RAB38: variants seen among roughly 807,000 people sequenced by gnomAD.
The protein encoded by RAB38 is RAB38, member RAS oncogene family, also known as ras-related protein Rab-38.
RAB38 carries 15 observed loss-of-function variants against 18.4 expected under a neutral mutation model. That is an observed-to-expected ratio of 0.82 (90% CI 0.55 to 1.26). The LOEUF is 1.26. Ranked by LOEUF, RAB38 falls within the 50% of genes most tolerant of loss-of-function variation. The pLI is 0.00. For missense variants in RAB38, 294 were observed against 267.4 expected (o/e 1.10, Z -0.69); for synonymous variants, 101 against 104.4 (o/e 0.97, Z 0.20).
chr11:88,033,241 G>T, the RAB38 span, among the ~76,000 whole-genome samples: 2 of 152,082 alleles, frequency 1.3e-5, no homozygotes, highest in Admixed American at 1.3e-4. Flanking sequence ...GTGGGAGGAG[G>T]GGGGAGGGAT....
At chr11:88,121,792 G>A (rs940690284) in intron 2 of RAB38, among the ~76,000 whole-genome samples, 2 of 152,012 alleles carry the variant, frequency 1.3e-5, no homozygotes, top group Non-Finnish European at 2.9e-5. Context: ...TCGATCTCCT[G>A]ACCTCGGGAT....
chr11:88,086,298 T>C, the RAB38 span, among the ~76,000 whole-genome samples: 1 of 152,004 alleles, frequency 6.6e-6, no homozygotes, highest in South Asian at 2.1e-4. Flanking sequence ...AATTACAATG[T>C]TATATTTTGT....
At chr11:87,813,840 A>C in the RAB38 span, among the ~76,000 whole-genome samples, 1 of 152,174 alleles carries the variant, frequency 6.6e-6, no homozygotes, top group African/African-American at 2.4e-5. Context: ...GCTAAATATT[A>C]GTATAGCTTA....
chr11:88,171,571 C>G (rs994977246), intron 1 of RAB38, among the ~76,000 whole-genome samples: 9 of 152,146 alleles, frequency 5.9e-5, no homozygotes, highest in African/African-American at 2.2e-4. Context: ...CTTTTGAAAA[C>G]AGATTCAATG....
At chr11:87,883,503 A>AT in the RAB38 span, among the ~76,000 whole-genome samples, 1 of 151,934 alleles carries the variant, frequency 6.6e-6, no homozygotes, top group Non-Finnish European at 1.5e-5. Context: ...AGGATTATAA[A>AT]TGGCAGCCCG....
the RAB38 span, among the ~76,000 whole-genome samples, chr11:87,855,477 GA>G: frequency 9.2e-5 from 14 of 152,138 alleles, no homozygotes; most frequent in Admixed American, 7.2e-4. Context: ...GGGAATAAAA[GA>G]CATTTTTTGG....
At chr11:88,041,083 T>C in the RAB38 span, among the ~76,000 whole-genome samples, 3 of 152,240 alleles carry the variant, frequency 2.0e-5, no homozygotes, top group Non-Finnish European at 2.9e-5. Flanking sequence ...TTCCAGTATG[T>C]ATCCTAAAAC....
the RAB38 span, among the ~76,000 whole-genome samples, chr11:87,859,385 G>T: frequency 1.6e-4 from 24 of 151,894 alleles, no homozygotes; most frequent in Admixed American, 6.6e-4. Flanking sequence ...TATAATGAAG[G>T]GAAAATTTAT....
the RAB38 span, chr11:88,062,247 T>C: frequency 9.2e-5 from 14 of 152,128 alleles, no homozygotes; most frequent in African/African-American, 3.4e-4. Flanking sequence ...ATTCTCATGA[T>C]AGCGAGTTCT....
chr11:88,016,804 C>T, the RAB38 span, among the ~76,000 whole-genome samples: 2 of 152,100 alleles, frequency 1.3e-5, no homozygotes, highest in African/African-American at 4.8e-5. Flanking sequence ...TTGCTTAAGT[C>T]CCCTAACCCC....
At chr11:87,973,624 G>A in the RAB38 span, among the ~76,000 whole-genome samples, 1 of 143,114 alleles carries the variant, frequency 7.0e-6, no homozygotes, top group Non-Finnish European at 1.6e-5. Context: ...TACTAGACAG[G>A]ACAAAGCTGC....
chr11:87,930,373 G>A, the RAB38 span, among the ~76,000 whole-genome samples: 1 of 152,196 alleles, frequency 6.6e-6, no homozygotes, highest in African/African-American at 2.4e-5. Flanking sequence ...CTTTTGAGAA[G>A]TGTCTGTTCA....
At chr11:87,936,085 T>C in the RAB38 span, among the ~76,000 whole-genome samples, 2 of 152,088 alleles carry the variant, frequency 1.3e-5, no homozygotes, top group African/African-American at 4.8e-5. Flanking sequence ...TTTTCCTCTG[T>C]AGTTTCTCTT....
the RAB38 span, among the ~76,000 whole-genome samples, chr11:88,012,989 C>T: frequency 6.6e-6 from 1 of 152,292 alleles, no homozygotes; most frequent in South Asian, 2.1e-4. Flanking sequence ...AAAGCACACA[C>T]ATCTCAGGGT....
At chr11:87,935,138 AG>A in the RAB38 span, among the ~76,000 whole-genome samples, 25,591 of 152,014 alleles carry the variant, frequency 0.17, 2,610 homozygotes, top group African/African-American at 0.28. Context: ...GGAGAAATTA[AG>A]GGTTGCTATA....
chr11:87,923,547 CTGTGTG>C, the RAB38 span, among the ~76,000 whole-genome samples: 14,475 of 146,942 alleles, frequency 0.099, 840 homozygotes, highest in African/African-American at 0.16. Context: ...TCAATTAATT[CTGTGTG>C]TGTGTGTGTG....
At chr11:87,824,366 A>G in the RAB38 span, among the ~76,000 whole-genome samples, 1 of 152,168 alleles carries the variant, frequency 6.6e-6, no homozygotes, top group Non-Finnish European at 1.5e-5. Context: ...GTGCAAATCA[A>G]TTATATAAGG....
At chr11:87,968,695 G>A in the RAB38 span, among the ~76,000 whole-genome samples, 1 of 152,148 alleles carries the variant, frequency 6.6e-6, no homozygotes, top group African/African-American at 2.4e-5. Context: ...GGACAAAGCA[G>A]TGTGCTCAGT....
the RAB38 span, among the ~76,000 whole-genome samples, chr11:88,034,695 T>A: frequency 2.0e-5 from 3 of 152,240 alleles, no homozygotes; most frequent in African/African-American, 7.2e-5. Flanking sequence ...CCTAATTGGA[T>A]TTTTTTCTTT....
Sources: allele counts gnomAD v4.1 joint callset (sites outside exome capture counted in the v4.1 genomes callset), GRCh38; gene constraint gnomAD v4.1.1; transcripts MANE v1.5; gene names NCBI Gene and HGNC (gene_info 2026-07-23, HGNC 2026-07-21).